Variants in RIMS2 observed in about 807,000 individuals in gnomAD.
The protein encoded by RIMS2 is regulating synaptic membrane exocytosis protein 2.
A neutral mutation model predicts 174.4 loss-of-function variants in RIMS2; 59 were observed. That is an observed-to-expected ratio of 0.34 (90% CI 0.27 to 0.42). The LOEUF (loss-of-function observed/expected upper bound fraction) is 0.42. Among genes scored for constraint, RIMS2 ranks in the 10% least tolerant of loss-of-function variants. The pLI, the probability that RIMS2 is intolerant of heterozygous loss-of-function variation, is 1.00. For missense variants in RIMS2, 1,620 were observed against 1,666.3 expected (o/e 0.97, Z 0.48); for synonymous variants, 606 against 572.5 (o/e 1.06, Z -0.84).
chr8:103,886,356 C>T (rs1182364458), intron 4 of RIMS2, 133 bp downstream of exon 7: 11 of 702,954 alleles, frequency 1.6e-5, no homozygotes, highest in African/African-American at 1.1e-4. Flanking sequence ...TGGCATCGAA[C>T]GTGTGAAGAA....
intron 2 of RIMS2, among the ~76,000 whole-genome samples, chr8:103,721,443 T>C (rs1018162662): frequency 9.9e-5 from 15 of 152,148 alleles, no homozygotes; most frequent in Non-Finnish European, 1.9e-4. Context: ...TTATAAAAAG[T>C]GTATATGACA....
intron 19 of RIMS2, among the ~76,000 whole-genome samples, chr8:104,046,394 A>G (rs1000832068): frequency 1.3e-5 from 2 of 152,088 alleles, no homozygotes; most frequent in African/African-American, 4.8e-5. Flanking sequence ...AGGAGACACA[A>G]ATATTCAGAC....
intron 19 of RIMS2, among the ~76,000 whole-genome samples, chr8:104,101,032 ATATAT>A (rs1236482893): frequency 4.9e-4 from 70 of 141,932 alleles, no homozygotes; most frequent in African/African-American, 1.4e-3. Flanking sequence ...AATATATGTT[ATATAT>A]TATATTATAT....
chr8:103,858,427 A>C (rs114288170), intron 3 of RIMS2, among the ~76,000 whole-genome samples: 330 of 152,198 alleles, frequency 2.2e-3, no homozygotes, highest in African/African-American at 7.6e-3. Flanking sequence ...ATATTAATAG[A>C]AGGCATTGGA....
At chr8:104,040,483 G>C (rs1000130194) in intron 19 of RIMS2, among the ~76,000 whole-genome samples, 5 of 151,472 alleles carry the variant, frequency 3.3e-5, no homozygotes, top group African/African-American at 1.2e-4. Context: ...CTAGCACTAG[G>C]GAAAAAAGTT....
chr8:103,550,645 CA>C (rs1245340543), intron 1 of RIMS2, among the ~76,000 whole-genome samples: 11 of 151,598 alleles, frequency 7.3e-5, no homozygotes, highest in South Asian at 4.2e-4. Context: ...AAAAACCCTT[CA>C]AAAAAATCAA....
chr8:104,185,111 T>C (rs1056713620), intron 19 of RIMS2, among the ~76,000 whole-genome samples: 1 of 151,532 alleles, frequency 6.6e-6, no homozygotes, highest in African/African-American at 2.4e-5. Context: ...TATGAATAAA[T>C]GAAACTGTTT....
At chr8:103,740,263 C>T (rs946645203) in intron 2 of RIMS2, among the ~76,000 whole-genome samples, 1 of 152,040 alleles carries the variant, frequency 6.6e-6, no homozygotes, top group Admixed American at 6.6e-5. Context: ...ATGTATTTTC[C>T]CACAGAAACA....
intron 3 of RIMS2, among the ~76,000 whole-genome samples, chr8:103,815,534 A>G (rs1158829707): frequency 2.0e-5 from 3 of 152,174 alleles, no homozygotes; most frequent in Non-Finnish European, 2.9e-5. Flanking sequence ...CATCATCTAT[A>G]CCATTTGTAA....
chr8:103,608,912 A>G, intron 1 of RIMS2, among the ~76,000 whole-genome samples: 1 of 152,128 alleles, frequency 6.6e-6, no homozygotes, highest in Non-Finnish European at 1.5e-5. Flanking sequence ...AGTGAGATGA[A>G]CCTGGTACCT....
chr8:104,185,792 TG>T (rs2098964937), intron 19 of RIMS2, among the ~76,000 whole-genome samples: 1 of 151,628 alleles, frequency 6.6e-6, no homozygotes, highest in Non-Finnish European at 1.5e-5. Context: ...GAATGTAAAT[TG>T]GTAAAATCAC....
chr8:104,179,964 T>C (rs1018941575), intron 19 of RIMS2, among the ~76,000 whole-genome samples: 1 of 151,874 alleles, frequency 6.6e-6, no homozygotes, highest in African/African-American at 2.4e-5. Flanking sequence ...CCTCCACATG[T>C]TCTACTGCAA....
chr8:103,585,706 C>T (rs1027886747), intron 1 of RIMS2, among the ~76,000 whole-genome samples: 5 of 151,272 alleles, frequency 3.3e-5, no homozygotes, highest in African/African-American at 7.3e-5. Context: ...GTGAGGGGAA[C>T]GTCACACACT....
rs149403413 is a variant in RIMS2 at position 104,184,421 on chromosome 8, C to A, written c.3335-60495C>A. 2.2e-3 allele frequency among the ~76,000 whole-genome samples: 333 copies of A among 151,510 alleles called. 1 individual carries two copies. The highest frequency in any genetic ancestry group is 7.5e-3 in the African/African-American group (312 of 41,450). On this transcript the variant is annotated intron_variant, in intron 19 of 23. Transcript: ENST00000504942. ...TCATGTAATTTAATTACTTGTTACC[C>A]AGCTAGATTAAAAACTACTAGAGAA...
At chr8:103,552,604 C>G (rs1158920162) in intron 1 of RIMS2, among the ~76,000 whole-genome samples, 2 of 152,118 alleles carry the variant, frequency 1.3e-5, no homozygotes, top group Non-Finnish European at 2.9e-5. Flanking sequence ...CAAATGGGAT[C>G]TAATTAAACT....
intron 2 of RIMS2, among the ~76,000 whole-genome samples, chr8:103,736,777 C>T (rs1287183334): frequency 6.6e-6 from 1 of 152,132 alleles, no homozygotes; most frequent in African/African-American, 2.4e-5. Context: ...TGAGTTTTGT[C>T]ACTAAAAATG....
chr8:103,972,216 C>A (rs2092959275), intron 15 of RIMS2, among the ~76,000 whole-genome samples: 1 of 152,174 alleles, frequency 6.6e-6, no homozygotes, highest in South Asian at 2.1e-4. Context: ...ATGTCCAAAA[C>A]TAAACTTTTG....
intron 3 of RIMS2, chr8:103,819,389 A>C: frequency 1.9e-6 from 3 of 1,562,880 alleles, no homozygotes; most frequent in Non-Finnish European, 1.7e-6. Flanking sequence ...GTTTTTACAG[A>C]GCTCAGGAGA....
At chr8:103,961,195 A>T in intron 15 of RIMS2, 62 bp downstream of exon 17, 3 of 799,706 alleles carry the variant, frequency 3.8e-6, no homozygotes, top group Non-Finnish European at 2.2e-6. Flanking sequence ...ATCATTTACC[A>T]TAAAAGTAAA....
Sources: allele counts gnomAD v4.1 joint callset (sites outside exome capture counted in the v4.1 genomes callset), GRCh38; gene constraint gnomAD v4.1.1; transcripts MANE v1.5; gene names NCBI Gene and HGNC (gene_info 2026-07-23, HGNC 2026-07-21).